RSRP1: variants seen among roughly 807,000 people sequenced by gnomAD.
RSRP1 encodes the protein arginine/serine-rich protein 1.
Under a neutral mutation model 33.0 loss-of-function variants are expected in RSRP1, and 37 were observed. That is an observed-to-expected ratio of 1.12 (90% confidence interval 0.86 to 1.48). RSRP1 has a LOEUF of 1.48. Ranked by LOEUF, RSRP1 falls within the 40% of genes most tolerant of loss-of-function variation. The pLI is 0.00. For missense variants in RSRP1, 402 were observed against 385.3 expected (o/e 1.04, Z -0.36); for synonymous variants, 167 against 158.7 (o/e 1.05, Z -0.40).
intron 1 of RSRP1, chr1:25,306,779 A>T (rs1272229052): frequency 7.4e-7 from 1 of 1,355,050 alleles, no homozygotes; most frequent in East Asian, 2.2e-5. Context: ...CCTCCAACTC[A>T]GGAAGAAATG....
Position 25,334,191 on chromosome 1 carries a change from G to A in RSRP1, c.-67+3787C>T, listed in dbSNP as rs529279107. On this transcript the variant is annotated intron_variant, in intron 1 of 1. Coordinates refer to the RSRP1 transcript ENST00000561867. ...CTTCCTAGATACAATGGGGGTACAG[G>A]CATTGGGTAAATACAGCCATTCCAA... Among the ~76,000 whole-genome samples the A allele has an allele frequency of 9.8e-4, 130 of 132,068 alleles. 20 individuals carry two copies. Among genetic ancestry groups the A allele is most frequent in the African/African-American group, 3.2e-3 (122 of 38,450 alleles). 86.6% of individuals were successfully genotyped at this position (132,068 alleles called of 152,430 possible).
chr1:25,322,134 G>A (rs557986372), intron 1 of RSRP1, among the ~76,000 whole-genome samples: 1 of 131,626 alleles, frequency 7.6e-6, no homozygotes, highest in East Asian at 2.0e-4. Flanking sequence ...ATGTGTGTGG[G>A]GGAGGGTGGC....
At chr1:25,276,236 T>C (rs907926276) in intron 1 of RSRP1, among the ~76,000 whole-genome samples, 1 of 130,046 alleles carries the variant, frequency 7.7e-6, no homozygotes, top group Non-Finnish European at 1.8e-5. Context: ...GAGAGGCACA[T>C]TGAAATGGCA....
At position 25,242,604 on chromosome 1, in the gene RSRP1, C is replaced by CA. The variant is rs1437210881; in HGVS notation, c.857dup (p.Trp287ValfsTer10). ...TTTTCTTCTTTTAGATAGGTATCCA[C>CA]AGTCCATATGGACTTTTTTTCTGAT... On this transcript the variant is annotated frameshift_variant, in exon 5 of 5. Transcript: ENST00000243189. LOFTEE classifies it high-confidence loss of function. The CA allele has an allele frequency of 6.2e-7, 1 of 1,603,532 alleles. No individual in the cohort carries two copies. Among genetic ancestry groups the CA allele is most frequent in the Non-Finnish European group, 8.5e-7 (1 of 1,172,592 alleles).
In RSRP1 at chr1:25,303,149, A is replaced by G. The variant is rs549791776; in HGVS notation, c.-67+34829T>C. 8.3e-4 allele frequency among the ~76,000 whole-genome samples: 109 copies of G among 131,634 alleles called. 16 individuals carry two copies. Among genetic ancestry groups the G allele is most frequent in the Non-Finnish European group, 1.2e-3 (68 of 55,464 alleles). 86.4% of individuals were successfully genotyped at this position (131,634 alleles called of 152,430 possible). A position where few individuals can be genotyped will look rare whatever the true frequency, so the allele number is the denominator to read the frequency against. On this transcript the variant is annotated intron_variant, in intron 1 of 1. Coordinates refer to the RSRP1 transcript ENST00000561867. ...AGAGGCAGTAGTGAGCTGGCCCATCATGTCCACTGATGAAGGACACGTAGC... is the reference window on the plus strand; with the variant it reads ...AGAGGCAGTAGTGAGCTGGCCCATCGTGTCCACTGATGAAGGACACGTAGC...
chr1:25,311,826 C>T (rs1407603141), intron 1 of RSRP1, among the ~76,000 whole-genome samples: 1 of 131,280 alleles, frequency 7.6e-6, no homozygotes, highest in African/African-American at 2.7e-5. Flanking sequence ...TGGCAGCATA[C>T]ACATGGCACT....
At chr1:25,319,595 C>T (rs1644588591) in intron 1 of RSRP1, among the ~76,000 whole-genome samples, 1 of 131,976 alleles carries the variant, frequency 7.6e-6, no homozygotes, top group African/African-American at 2.6e-5. Flanking sequence ...GACAACAGAG[C>T]AAGACCCTGT....
In RSRP1 at chr1:25,244,432, C is replaced by CTT. The variant is rs781375953; in HGVS notation, c.672+716_672+717dup. On this transcript the variant is annotated intron_variant, in intron 3 of 4. Transcript: ENST00000243189. ...TAAACTTCAAATTAAACCTCTGATG[C>CTT]TTTAGCCCATGTATCAATTACCAAC... 6.7e-5 allele frequency: 87 copies of CTT among 1,289,218 alleles called. No homozygotes were observed. The Admixed American group carries it at 7.6e-4, about 11-fold the overall frequency. The allele number at this position is 1,289,218 out of a possible 1,614,324, so 79.9% of individuals were successfully genotyped here.
At chr1:25,302,483 A>C (rs1643464663) in intron 1 of RSRP1, among the ~76,000 whole-genome samples, 1 of 129,810 alleles carries the variant, frequency 7.7e-6, no homozygotes, top group Non-Finnish European at 1.8e-5. Context: ...CATGAGTTCC[A>C]TGGTGACAGA....
intron 1 of RSRP1, chr1:25,337,763 A>G (rs1481331250): frequency 1.3e-5 from 2 of 151,476 alleles, no homozygotes; most frequent in African/African-American, 4.9e-5. Flanking sequence ...TAAACAAACA[A>G]CAAAGAAAGG....
At chr1:25,277,305 T>C (rs1641096116) in intron 1 of RSRP1, among the ~76,000 whole-genome samples, 1 of 129,120 alleles carries the variant, frequency 7.7e-6, no homozygotes. Flanking sequence ...CCTTTAGAGA[T>C]AGAATAGCCT....
At chr1:25,321,750 A>G in intron 1 of RSRP1, 1 of 435,962 alleles carries the variant, frequency 2.3e-6, no homozygotes, top group Non-Finnish European at 4.8e-6. Flanking sequence ...CAGGGCTTCC[A>G]TTTATTTGTC....
At position 25,271,749 on chromosome 1, in the gene RSRP1, C is replaced by G. The variant is rs1259057403; in HGVS notation, c.-66-24720G>C. On this transcript the variant is annotated intron_variant, in intron 1 of 1. Transcript: ENST00000561867. The stretch of plus-strand genomic sequence containing the variant: ...GTACTGAGGGATGGGGATGCTGAGG[C>G]TGGTGGCCTTCCTCAAATGCACTGT... Among the ~76,000 whole-genome samples the G allele has an allele frequency of 1.5e-5, 2 of 131,660 alleles. 1 individual carries two copies. Among genetic ancestry groups the G allele is most frequent in the African/African-American group, 5.2e-5 (2 of 38,602 alleles). 86.4% of individuals were successfully genotyped at this position (131,660 alleles called of 152,430 possible). A position where few individuals can be genotyped will look rare whatever the true frequency, so the allele number is the denominator to read the frequency against.
Position 25,297,346 on chromosome 1 carries a change from G to A in RSRP1, c.-67+40632C>T, listed in dbSNP as rs548922085. ...TGCTATCAATTTGCCCCATTACTGGGTGTGTTAACTGTGATCATTGGGTTA... is the reference window on the plus strand; with the variant it reads ...TGCTATCAATTTGCCCCATTACTGGATGTGTTAACTGTGATCATTGGGTTA... On this transcript the variant is annotated intron_variant, in intron 1 of 1. Transcript: ENST00000561867. Among the ~76,000 whole-genome samples, 128 of 98,090 alleles carry A rather than the reference G, an allele frequency of 1.3e-3. 10 individuals carry two copies. Among genetic ancestry groups the A allele is most frequent in the African/African-American group, 4.1e-3 (119 of 29,268 alleles). 64.4% of individuals were successfully genotyped at this position (98,090 alleles called of 152,430 possible).
chr1:25,332,186 G>A lies in RSRP1; in HGVS notation c.-67+5792C>T, dbSNP rs1571783911. Among the ~76,000 whole-genome samples the A allele has an allele frequency of 4.8e-5, 6 of 126,016 alleles. 1 individual carries two copies. Among genetic ancestry groups the A allele is most frequent in the Non-Finnish European group, 7.5e-5 (4 of 53,522 alleles). 82.7% of individuals were successfully genotyped at this position (126,016 alleles called of 152,430 possible). A position where few individuals can be genotyped will look rare whatever the true frequency, so the allele number is the denominator to read the frequency against. ...CGTGTAGCTGGGATCACAGGCACACGCCACCACACCTAGCTACTTTTTGTA... is the reference window on the plus strand; with the variant it reads ...CGTGTAGCTGGGATCACAGGCACACACCACCACACCTAGCTACTTTTTGTA... On this transcript the variant is annotated intron_variant, in intron 1 of 1. Coordinates refer to the RSRP1 transcript ENST00000561867.
At chr1:25,261,705 ATTTTTTTT>A (rs376795548) in intron 1 of RSRP1, among the ~76,000 whole-genome samples, 1 of 93,690 alleles carries the variant, frequency 1.1e-5, no homozygotes, top group Non-Finnish European at 2.1e-5. Flanking sequence ...CGCCCAGCAG[ATTTTTTTT>A]TTTTTTTTTT....
chr1:25,264,396 C>T (rs1187555822), intron 1 of RSRP1, among the ~76,000 whole-genome samples: 2 of 151,634 alleles, frequency 1.3e-5, no homozygotes, highest in Non-Finnish European at 2.9e-5. Context: ...TCTGTGCACT[C>T]GCAGTCTCAA....
intron 4 of RSRP1, 124 bp from the exon 5 acceptor site, chr1:25,242,829 G>A (rs1331000783): frequency 1.5e-6 from 1 of 673,918 alleles, no homozygotes; most frequent in African/African-American, 1.8e-5. Context: ...GGGCGCGGTG[G>A]CTCACGCCTG....
chr1:25,251,024 TA>T (rs1167573575), upstream of RSRP1, among the ~76,000 whole-genome samples: 122 of 140,214 alleles, frequency 8.7e-4, no homozygotes, highest in Middle Eastern at 3.6e-3. Flanking sequence ...AAAAAATAAT[TA>T]AAAAAAAAAA....
Sources: gnomAD v4.1 joint callset for allele counts (sites outside exome capture counted in the v4.1 genomes callset) on GRCh38, gnomAD v4.1.1 for gene constraint, MANE v1.5 for transcripts, NCBI Gene and HGNC (gene_info 2026-07-23, HGNC 2026-07-21) for gene names.